ADD3: variants seen among roughly 807,000 people sequenced by gnomAD.
ADD3 encodes the protein gamma-adducin.
In ADD3, 25 loss-of-function variants were observed where a neutral mutation model predicts 80.2. That is an observed-to-expected ratio of 0.31 (90% CI 0.23 to 0.44). ADD3 has a LOEUF of 0.44. Among genes scored for constraint, ADD3 ranks in the 20% least tolerant of loss-of-function variants. The pLI, the probability that ADD3 is intolerant of heterozygous loss-of-function variation, is 1.00. For missense variants in ADD3, 829 were observed against 847.5 expected, an observed-to-expected ratio of 0.98 and a Z score of 0.27; for synonymous variants, 284 against 289.6, an observed-to-expected ratio of 0.98 and a Z score of 0.20.
At chr10:110,080,255 C>T (rs1845920946) in intron 1 of ADD3, among the ~76,000 whole-genome samples, 1 of 152,042 alleles carries the variant, frequency 6.6e-6, no homozygotes, top group Admixed American at 6.6e-5. Flanking sequence ...CACCTGACCT[C>T]CTTGAATCCT....
intron 1 of ADD3, among the ~76,000 whole-genome samples, chr10:110,021,446 C>T (rs1853660643): frequency 6.6e-6 from 1 of 151,976 alleles, no homozygotes; most frequent in Non-Finnish European, 1.5e-5. Context: ...CATAATAGCC[C>T]AAAAATGGAA....
chr10:110,086,471 C>T (rs548551344), intron 1 of ADD3, among the ~76,000 whole-genome samples: 1 of 152,240 alleles, frequency 6.6e-6, no homozygotes, highest in African/African-American at 2.4e-5. Flanking sequence ...ACGCAAATCT[C>T]ATATTAAATT....
chr10:110,106,778 G>A (rs1286314281), intron 2 of ADD3, among the ~76,000 whole-genome samples: 2 of 151,982 alleles, frequency 1.3e-5, no homozygotes, highest in East Asian at 1.9e-4. Flanking sequence ...TAATGTTCTG[G>A]GGGCAAATTA....
chr10:110,038,175 G>T (rs78893812), intron 1 of ADD3, among the ~76,000 whole-genome samples: 1 of 151,942 alleles, frequency 6.6e-6, no homozygotes, highest in East Asian at 1.9e-4. Context: ...TTATATTAAG[G>T]TAGGTTATCT....
chr10:110,040,256 G>GTTTGAA (rs1856143216), intron 1 of ADD3, among the ~76,000 whole-genome samples: 1 of 152,066 alleles, frequency 6.6e-6, no homozygotes, highest in Non-Finnish European at 1.5e-5. Flanking sequence ...TGAGGTTTGG[G>GTTTGAA]TGAGAATATA....
At chr10:110,005,389 C>T (rs1233496195), upstream of ADD3, among the ~76,000 whole-genome samples, 1 of 152,154 alleles carries the variant, frequency 6.6e-6, no homozygotes. Flanking sequence ...CACATGAGCA[C>T]ACATTGAAAC....
chr10:110,036,715 T>TA (rs1205284165), intron 1 of ADD3, among the ~76,000 whole-genome samples: 1 of 152,136 alleles, frequency 6.6e-6, no homozygotes, highest in African/African-American at 2.4e-5. Context: ...TCTAAGTAGA[T>TA]ACTTTCACTC....
chr10:110,052,861 G>A (rs558315874), intron 1 of ADD3, among the ~76,000 whole-genome samples: 2 of 152,308 alleles, frequency 1.3e-5, no homozygotes, highest in South Asian at 4.1e-4. Flanking sequence ...TAGAAAAGGT[G>A]AATTTCCTTA....
At chr10:110,020,728 G>A (rs1564847513) in intron 1 of ADD3, among the ~76,000 whole-genome samples, 1 of 152,332 alleles carries the variant, frequency 6.6e-6, no homozygotes, top group Non-Finnish European at 1.5e-5. Flanking sequence ...CTTGGTGAGA[G>A]ATGATGTATC....
At chr10:110,065,010 A>G (rs761012312) in intron 1 of ADD3, among the ~76,000 whole-genome samples, 3 of 152,096 alleles carry the variant, frequency 2.0e-5, no homozygotes, top group Non-Finnish European at 4.4e-5. Context: ...GTGAGCTGAG[A>G]TCTTGTCTAG....
rs1238026331 is a variant in ADD3, at chr10:110,116,249, G to T, written c.335-10G>T. On this transcript the variant is annotated splice_polypyrimidine_tract_variant and intron_variant, in intron 3 of 14. Transcript: ENST00000356080. Reference sequence around the variant, plus strand: ...ACTCGTATCTCTCTCCACATTTTTTGCTCTTTTAGGTCTTGGCATGGTCAC... The same window carrying T: ...ACTCGTATCTCTCTCCACATTTTTTTCTCTTTTAGGTCTTGGCATGGTCAC... 1.9e-6 allele frequency: 3 copies of T among 1,607,868 alleles called. No individual in the cohort carries two copies. Among genetic ancestry groups the T allele is most frequent in the Non-Finnish European group, 1.7e-6 (2 of 1,177,958 alleles).
intron 1 of ADD3, among the ~76,000 whole-genome samples, chr10:110,013,399 G>T (rs577051090): frequency 6.6e-6 from 1 of 152,128 alleles, no homozygotes; most frequent in South Asian, 2.1e-4. Flanking sequence ...CACTGCACTC[G>T]GCCAAGGCTA....
At chr10:110,037,457 T>A (rs1005420016) in intron 1 of ADD3, among the ~76,000 whole-genome samples, 1 of 151,550 alleles carries the variant, frequency 6.6e-6, no homozygotes, top group Non-Finnish European at 1.5e-5. Flanking sequence ...ATATAAAAAC[T>A]AGCCAGGCGT....
upstream of ADD3, among the ~76,000 whole-genome samples, chr10:110,003,637 A>G (rs1242189470): frequency 6.6e-6 from 1 of 152,212 alleles, no homozygotes; most frequent in East Asian, 1.9e-4. Context: ...GTTTAAGGTC[A>G]TATAACCAGT....
chr10:110,124,861 C>G (rs1245368851), intron 10 of ADD3, among the ~76,000 whole-genome samples: 1 of 152,124 alleles, frequency 6.6e-6, no homozygotes, highest in Non-Finnish European at 1.5e-5. Flanking sequence ...GTCCATGGCC[C>G]AGGATGGCTT....
intron 1 of ADD3, among the ~76,000 whole-genome samples, chr10:110,021,653 A>G (rs1564848912): frequency 6.6e-6 from 1 of 152,216 alleles, no homozygotes; most frequent in Non-Finnish European, 1.5e-5. Context: ...AATGTCTAGA[A>G]TAGACATTTA....
chr10:110,091,462 AC>A (rs1244682920), intron 1 of ADD3, among the ~76,000 whole-genome samples: 2 of 152,236 alleles, frequency 1.3e-5, no homozygotes, highest in Non-Finnish European at 2.9e-5. Context: ...AGGTTAGAGA[AC>A]CCAGAAATAA....
chr10:110,068,245 G>A (rs1012398421), intron 1 of ADD3, among the ~76,000 whole-genome samples: 3 of 151,906 alleles, frequency 2.0e-5, no homozygotes, highest in African/African-American at 7.3e-5. Flanking sequence ...CTGTCACTTT[G>A]CTTCTCAGAA....
chr10:110,115,285 G>T (rs184630434), intron 3 of ADD3, among the ~76,000 whole-genome samples: 1 of 152,262 alleles, frequency 6.6e-6, no homozygotes, highest in East Asian at 1.9e-4. Context: ...CTTCTCAGGA[G>T]GCTGAGGCGG....
Sources: allele counts gnomAD v4.1 joint callset (sites outside exome capture counted in the v4.1 genomes callset), GRCh38; gene constraint gnomAD v4.1.1; transcripts MANE v1.5; gene names NCBI Gene and HGNC (gene_info 2026-07-23, HGNC 2026-07-21).